The following SAMMSON variants were observed in gnomAD, a reference collection of about 807,000 sequenced individuals.
SAMMSON encodes survival associated mitochondrial melanoma specific oncogenic non-coding RNA.
chr3:70,056,897 G>T (rs971450737), intron 3 of SAMMSON, among the ~76,000 whole-genome samples: 2 of 151,844 alleles, frequency 1.3e-5, no homozygotes, highest in Non-Finnish European at 2.9e-5. Context: ...TTGAAAAAAA[G>T]CCTAATCTAT....
rs552565584 is a variant in SAMMSON at position 70,060,436 on chromosome 3, T to C, written n.418-11040T>C. Among the ~76,000 whole-genome samples, 6 of 152,216 alleles carry C rather than the reference T, an allele frequency of 3.9e-5. No homozygotes were observed. The South Asian group carries it at 1.2e-3, about 32-fold the overall frequency. Reference sequence around the variant, plus strand: ...AAGTCAAAAGATGCACTGACTATGGTCATAGGCACTATAATTCATATACAA... The same window carrying C: ...AAGTCAAAAGATGCACTGACTATGGCCATAGGCACTATAATTCATATACAA... On this transcript the variant is annotated intron_variant and non_coding_transcript_variant, in intron 3 of 9. Transcript: ENST00000642114.
chr3:70,315,071 C>T (rs947997514), intron 7 of SAMMSON, among the ~76,000 whole-genome samples: 1 of 152,118 alleles, frequency 6.6e-6, no homozygotes, highest in Non-Finnish European at 1.5e-5. Context: ...TTTCCAATTA[C>T]TATGATATAA....
intron 8 of SAMMSON, among the ~76,000 whole-genome samples, chr3:70,355,206 C>T (rs1274548831): frequency 6.6e-6 from 1 of 152,090 alleles, no homozygotes; most frequent in African/African-American, 2.4e-5. Flanking sequence ...GTTGAGAATA[C>T]AGCATCCCAT....
At chr3:70,369,099 G>A (rs1253893197) in intron 9 of SAMMSON, among the ~76,000 whole-genome samples, 1 of 150,864 alleles carries the variant, frequency 6.6e-6, no homozygotes, top group Non-Finnish European at 1.5e-5. Context: ...TTATTTTTTG[G>A]TGCTATTATA....
At chr3:70,018,371 A>G (rs2066996430) in intron 3 of SAMMSON, among the ~76,000 whole-genome samples, 1 of 152,146 alleles carries the variant, frequency 6.6e-6, no homozygotes, top group African/African-American at 2.4e-5. Context: ...TTATTTGCGT[A>G]GAGGTGTTTA....
intron 3 of SAMMSON, among the ~76,000 whole-genome samples, chr3:70,029,569 C>G (rs2067056569): frequency 6.6e-6 from 1 of 151,988 alleles, no homozygotes. Flanking sequence ...GCCTGGCCAA[C>G]ATGGTGAAAT....
chr3:70,333,353 A>C lies in SAMMSON; in HGVS notation n.740-20822A>C, dbSNP rs545618351. ...TTTAAACGTTAAATTAAAAAATATT[A>C]AATAATAAGTAAATTAAAATAATAA... is the stretch of plus-strand genomic sequence containing the variant. On this transcript the variant is annotated intron_variant and non_coding_transcript_variant, in intron 7 of 9. Coordinates refer to ENST00000642114, the Ensembl canonical transcript of SAMMSON. Among the ~76,000 whole-genome samples the C allele has an allele frequency of 3.3e-5, 5 of 152,076 alleles. No homozygotes were observed. In the East Asian group the frequency reaches 9.6e-4, roughly 29 times the overall value.
chr3:70,144,169 C>G (rs2067538977), intron 4 of SAMMSON, among the ~76,000 whole-genome samples: 1 of 151,988 alleles, frequency 6.6e-6, no homozygotes, highest in Admixed American at 6.6e-5. Context: ...TATATTTTTA[C>G]CTTGACTTTT....
chr3:70,363,308 T>C (rs1163287373), intron 9 of SAMMSON, among the ~76,000 whole-genome samples: 1 of 151,922 alleles, frequency 6.6e-6, no homozygotes, highest in Non-Finnish European at 1.5e-5. Flanking sequence ...TTATTCAACA[T>C]AGTCTGGAAA....
chr3:70,292,996 G>A (rs1702253174), intron 7 of SAMMSON, among the ~76,000 whole-genome samples: 1 of 139,636 alleles, frequency 7.2e-6, no homozygotes, highest in Admixed American at 7.6e-5. Flanking sequence ...AGAAATAAAG[G>A]CTATTTGCAG....
At chr3:70,166,340 T>G (rs1204723288) in intron 4 of SAMMSON, among the ~76,000 whole-genome samples, 1 of 152,060 alleles carries the variant, frequency 6.6e-6, no homozygotes, top group Non-Finnish European at 1.5e-5. Flanking sequence ...TGATGGTGGC[T>G]TGCCTTCTCT....
intron 4 of SAMMSON, among the ~76,000 whole-genome samples, chr3:70,170,543 C>T (rs1441389888): frequency 1.4e-5 from 2 of 140,916 alleles, no homozygotes; most frequent in African/African-American, 5.2e-5. Context: ...TCAAGAATAA[C>T]AATTTTAAAC....
chr3:70,333,539 G>A (rs1702640511), intron 7 of SAMMSON, among the ~76,000 whole-genome samples: 1 of 152,082 alleles, frequency 6.6e-6, no homozygotes, highest in African/African-American at 2.4e-5. Context: ...TTCTGTGCAA[G>A]AAAACATAAC....
intron 6 of SAMMSON, among the ~76,000 whole-genome samples, chr3:70,265,633 T>C (rs1032964660): frequency 1.4e-4 from 21 of 152,200 alleles, no homozygotes; most frequent in African/African-American, 5.1e-4. Context: ...ATAAGGGACA[T>C]TTTCTCCATG....
chr3:70,257,960 C>T (rs1026314005), intron 6 of SAMMSON, among the ~76,000 whole-genome samples: 52 of 151,936 alleles, frequency 3.4e-4, no homozygotes, highest in African/African-American at 1.0e-3. Context: ...ATGAAGAGTT[C>T]GGAAATAAAG....
chr3:70,125,314 G>T lies in SAMMSON; in HGVS notation n.507+53749G>T, dbSNP rs1022687578. 1.5e-5 allele frequency: 20 copies of T among 1,341,098 alleles called. No individual in the cohort carries two copies. The African/African-American group carries it at 2.6e-4, about 17-fold the overall frequency. 83.1% of individuals were successfully genotyped at this position (1,341,098 alleles called of 1,614,324 possible). A position where few individuals can be genotyped will look rare whatever the true frequency, so the allele number is the denominator to read the frequency against. ...CATATCTTCCAAAAATATATTTAAG[G>T]TCCTTTTCTTGAACATGTTTAGCTA... On this transcript the variant is annotated intron_variant and non_coding_transcript_variant, in intron 4 of 9. Transcript: ENST00000642114.
At chr3:70,194,291 GAAC>G (rs1701154834) in intron 4 of SAMMSON, among the ~76,000 whole-genome samples, 2 of 152,128 alleles carry the variant, frequency 1.3e-5, no homozygotes, top group Non-Finnish European at 1.5e-5. Context: ...CCACCTTAAA[GAAC>G]AACATTATCT....
rs143892574 is a variant in SAMMSON, at chr3:70,216,137, TG to T, written n.508-32969del. ...TATATGTGGAATTTATGTTTATAGA[TG>T]TATATGTATATATCTACATATTTAT... On this transcript the variant is annotated intron_variant and non_coding_transcript_variant, in intron 4 of 9. Transcript: ENST00000642114. Among the ~76,000 whole-genome samples, 1,025 of 151,744 alleles carry T rather than the reference TG, an allele frequency of 6.8e-3. 58 individuals are homozygous for T. The East Asian group carries it at 0.15, about 22-fold the overall frequency.
In SAMMSON at chr3:70,237,076, G is replaced by A. The variant is rs201308662; in HGVS notation, n.508-12031G>A. On this transcript the variant is annotated intron_variant and non_coding_transcript_variant, in intron 4 of 9. Coordinates refer to ENST00000642114, the Ensembl canonical transcript of SAMMSON. Reference sequence around the variant, plus strand: ...CTCTTTGACAAATTTATTTGGTTCCGTATTATCAGTTTGGGATAAAGCTTT... The same window carrying A: ...CTCTTTGACAAATTTATTTGGTTCCATATTATCAGTTTGGGATAAAGCTTT... 8.0e-3 allele frequency among the ~76,000 whole-genome samples: 277 copies of A among 34,482 alleles called. 1 individual carries two copies. Among genetic ancestry groups the A allele is most frequent in the African/African-American group, 0.032 (269 of 8,348 alleles). The allele number at this position is 34,482 out of a possible 152,430, so 22.6% of individuals were successfully genotyped here.
Sources: gnomAD v4.1 joint callset for allele counts (sites outside exome capture counted in the v4.1 genomes callset) on GRCh38, gnomAD v4.1.1 for gene constraint, MANE v1.5 for transcripts, NCBI Gene and HGNC (gene_info 2026-07-23, HGNC 2026-07-21) for gene names.